NFATC2: variants seen among roughly 807,000 people sequenced by gnomAD.
NFATC2 encodes the protein nuclear factor of activated T-cells, cytoplasmic 2.
In NFATC2, 22 loss-of-function variants were observed where a neutral mutation model predicts 87.3. The ratio of observed to expected loss-of-function variants is 0.25; its 90% CI spans 0.18 to 0.36. The LOEUF (loss-of-function observed/expected upper bound fraction) is 0.36. Among genes scored for constraint, NFATC2 ranks in the 10% least tolerant of loss-of-function variants. NFATC2 has a pLI of 1.00. For synonymous variants in NFATC2, 565 were observed against 542.2 expected (o/e 1.04, Z -0.58); for missense variants, 1,149 against 1,259.1 (o/e 0.91, Z 1.32).
chr20:51,561,431 AAAAGAAAG>A (rs1184978605), intron 1 of NFATC2, among the ~76,000 whole-genome samples: 2,435 of 109,744 alleles, frequency 0.022, 40 homozygotes, highest in Middle Eastern at 0.033. Context: ...AGAGAGAAAG[AAAAGAAAG>A]AAAGAAAGAA....
intron 5 of NFATC2, among the ~76,000 whole-genome samples, chr20:51,471,186 A>G (rs1355273123): frequency 6.6e-6 from 1 of 152,222 alleles, no homozygotes; most frequent in Non-Finnish European, 1.5e-5. Flanking sequence ...TTAGATCGAC[A>G]TAAGATAAGT....
intron 3 of NFATC2, among the ~76,000 whole-genome samples, chr20:51,486,881 A>G (rs1303091903): frequency 1.3e-5 from 2 of 152,150 alleles, no homozygotes; most frequent in Admixed American, 1.3e-4. Context: ...AAAGAGACAT[A>G]TTATACCAGG....
At chr20:51,518,294 A>C (rs868426136) in intron 2 of NFATC2, among the ~76,000 whole-genome samples, 14 of 152,156 alleles carry the variant, frequency 9.2e-5, no homozygotes, top group Admixed American at 9.2e-4. Context: ...ATTTTTTCCC[A>C]GTTAGCTCAG....
At position 51,542,572 on chromosome 20, in the gene NFATC2, G is replaced by T. The variant is rs1600999222; in HGVS notation, c.-73C>A. On this transcript the variant is annotated 5_prime_UTR_variant, in exon 1 of 11. Transcript: ENST00000371564. ...GGCTGGCTCTGGGACCCCTCGCAGTGGGGCTGGCGGAGGCGGCTCGAGCGG... is the reference window on the plus strand; with the variant it reads ...GGCTGGCTCTGGGACCCCTCGCAGTTGGGCTGGCGGAGGCGGCTCGAGCGG... The T allele has an allele frequency of 3.2e-6, 4 of 1,266,986 alleles. No individual in the cohort carries two copies. The East Asian group carries it at 1.3e-4, about 42-fold the overall frequency. The allele number at this position is 1,266,986 out of a possible 1,614,324, so 78.5% of individuals were successfully genotyped here.
chr20:51,486,336 C>T (rs144031524), intron 3 of NFATC2, among the ~76,000 whole-genome samples: 13 of 152,324 alleles, frequency 8.5e-5, no homozygotes, highest in African/African-American at 2.2e-4. Context: ...GGCCTCCTTG[C>T]TGCTCCTGGA....
At chr20:51,542,751 G>GA (rs1276929891), upstream of NFATC2, 7 of 614,684 alleles carry the variant, frequency 1.1e-5, no homozygotes, top group Non-Finnish European at 1.4e-5. Context: ...CGGGGAGGCG[G>GA]GGGGGGGGGG....
At chr20:51,398,249 C>T (rs6013175) in intron 10 of NFATC2, among the ~76,000 whole-genome samples, 2,368 of 152,322 alleles carry the variant, frequency 0.016, 73 homozygotes, top group African/African-American at 0.054. Flanking sequence ...TTCGGACCTC[C>T]CTGCCCACTC....
chr20:51,451,433 C>T (rs1168291523), intron 6 of NFATC2, among the ~76,000 whole-genome samples: 2 of 152,214 alleles, frequency 1.3e-5, no homozygotes, highest in African/African-American at 4.8e-5. Context: ...CAACTTGGGC[C>T]GCACTACTGG....
chr20:51,561,131 A>T (rs1183019672), intron 1 of NFATC2, among the ~76,000 whole-genome samples: 3 of 151,410 alleles, frequency 2.0e-5, no homozygotes, highest in Non-Finnish European at 2.9e-5. Context: ...ATATCAGTAA[A>T]TTTTTTTTGC....
chr20:51,562,772 C>T (rs2077043767), upstream of NFATC2: 2 of 676,386 alleles, frequency 3.0e-6, no homozygotes, highest in East Asian at 6.0e-5. This position sits in a 1 kb window ranked among gnomAD's most constrained non-coding sequence, Gnocchi z 5.8. Flanking sequence ...GGGAGCTGCG[C>T]GCCTCCCGGC....
rs184496314 is a variant in NFATC2, at chr20:51,404,842, T to C, written c.2723-6112A>G. Among the ~76,000 whole-genome samples, 13 of 152,318 alleles carry C rather than the reference T, an allele frequency of 8.5e-5. No individual in the cohort carries two copies. The East Asian group carries it at 1.5e-3, about 18-fold the overall frequency. On this transcript the variant is annotated intron_variant, in intron 9 of 10. Coordinates refer to ENST00000371564, the MANE Select transcript of NFATC2 (RefSeq NM_012340.5). Reference sequence around the variant, plus strand: ...CGACCTGCAGAGCAGCGTGAGTCACTGACGCTCTCTGCAAACCAGAGGCCT... The same window carrying C: ...CGACCTGCAGAGCAGCGTGAGTCACCGACGCTCTCTGCAAACCAGAGGCCT...
intron 9 of NFATC2, among the ~76,000 whole-genome samples, chr20:51,407,684 C>T (rs1017739466): frequency 6.6e-6 from 1 of 152,176 alleles, no homozygotes; most frequent in Non-Finnish European, 1.5e-5. Flanking sequence ...CCCAAAGTTG[C>T]AGAGGCCCAC....
intron 9 of NFATC2, among the ~76,000 whole-genome samples, chr20:51,421,032 A>G (rs1278961267): frequency 6.6e-6 from 1 of 151,384 alleles, no homozygotes; most frequent in Admixed American, 6.6e-5. Flanking sequence ...GTGAATAGCC[A>G]CTATGCTCCA....
intron 9 of NFATC2, among the ~76,000 whole-genome samples, chr20:51,410,996 T>C (rs1979141125): frequency 1.3e-5 from 2 of 152,142 alleles, no homozygotes; most frequent in African/African-American, 2.4e-5. Flanking sequence ...GTGGTGATGG[T>C]GATAATGATA....
At chr20:51,453,743 C>T (rs1274236038) in intron 6 of NFATC2, among the ~76,000 whole-genome samples, 1 of 152,182 alleles carries the variant, frequency 6.6e-6, no homozygotes, top group African/African-American at 2.4e-5. Context: ...ACCAATTCCA[C>T]AATGATTCCT....
chr20:51,510,771 G>A (rs1034825635), intron 3 of NFATC2, among the ~76,000 whole-genome samples: 7 of 152,162 alleles, frequency 4.6e-5, no homozygotes, highest in African/African-American at 1.7e-4. Context: ...ACAGGTGTGA[G>A]CCACCACACT....
intron 3 of NFATC2, among the ~76,000 whole-genome samples, chr20:51,499,079 G>C (rs1037799608): frequency 6.6e-6 from 1 of 152,124 alleles, no homozygotes; most frequent in African/African-American, 2.4e-5. Flanking sequence ...CGGGTGACAC[G>C]GCCTGGTCCA....
intron 5 of NFATC2, among the ~76,000 whole-genome samples, chr20:51,462,728 A>G (rs1208259544): frequency 6.6e-6 from 1 of 152,150 alleles, no homozygotes; most frequent in Non-Finnish European, 1.5e-5. Flanking sequence ...GCATCTCATC[A>G]GGACTCAGTG....
At chr20:51,517,627 C>A (rs1010759879) in intron 2 of NFATC2, among the ~76,000 whole-genome samples, 4 of 151,110 alleles carry the variant, frequency 2.6e-5, no homozygotes, top group Non-Finnish European at 5.9e-5. Flanking sequence ...AACCAAAAAA[C>A]AACACAAGGC....
Sources: gnomAD v4.1 joint callset for allele counts (sites outside exome capture counted in the v4.1 genomes callset) on GRCh38, gnomAD v4.1.1 for gene constraint, Gnocchi (gnomAD v3.1) non-coding constraint, MANE v1.5 for transcripts, NCBI Gene and HGNC (gene_info 2026-07-23, HGNC 2026-07-21) for gene names.